The following SLC30A8 variants were observed in gnomAD, a reference collection of about 807,000 sequenced individuals.
SLC30A8 encodes the protein solute carrier family 30 member 8, also known as proton-coupled zinc antiporter SLC30A8.
A neutral mutation model predicts 36.9 loss-of-function variants in SLC30A8; 27 were observed. That is an observed-to-expected ratio of 0.73 (90% CI 0.54 to 1.01). The LOEUF (loss-of-function observed/expected upper bound fraction) is 1.01, where lower values mean the gene tolerates loss of function less well. Among genes scored for constraint, SLC30A8 ranks in the 50% least tolerant of loss-of-function variants. The pLI is 0.00. For missense variants in SLC30A8, 439 were observed against 452.0 expected, an observed-to-expected ratio of 0.97 and a Z score of 0.26; for synonymous variants, 164 against 172.4, an observed-to-expected ratio of 0.95 and a Z score of 0.38.
chr8:117,095,719 G>A (rs1443598697), intron 2 of SLC30A8, among the ~76,000 whole-genome samples: 1 of 152,144 alleles, frequency 6.6e-6, no homozygotes, highest in Admixed American at 6.5e-5. Context: ...TATTTATTGA[G>A]GGCTTCCACT....
At chr8:117,157,041 C>T (rs1822526064) in intron 3 of SLC30A8, among the ~76,000 whole-genome samples, 1 of 152,148 alleles carries the variant, frequency 6.6e-6, no homozygotes, top group Admixed American at 6.5e-5. Context: ...ATGCACTTTT[C>T]TCAGTGGGCA....
chr8:117,004,621 T>C (rs1268471920), intron 1 of SLC30A8, among the ~76,000 whole-genome samples: 3 of 152,166 alleles, frequency 2.0e-5, no homozygotes, highest in Admixed American at 6.5e-5. Flanking sequence ...TCATGGTAAA[T>C]AGTTAATCAT....
At chr8:116,976,798 T>TATC (rs1563730994) in intron 1 of SLC30A8, among the ~76,000 whole-genome samples, 77 of 125,516 alleles carry the variant, frequency 6.1e-4, no homozygotes, top group African/African-American at 2.4e-3. Flanking sequence ...CCCCTTTTAT[T>TATC]TTTCTTTCTT....
intron 1 of SLC30A8, among the ~76,000 whole-genome samples, chr8:117,012,684 ATGTG>A (rs141407793): frequency 7.5e-6 from 1 of 133,342 alleles, no homozygotes; most frequent in Non-Finnish European, 1.6e-5. Context: ...GTGTGTGTGC[ATGTG>A]TGTGTGTGTG....
intron 2 of SLC30A8, among the ~76,000 whole-genome samples, chr8:117,056,455 C>T (rs942134186): frequency 5.3e-5 from 8 of 152,152 alleles, no homozygotes; most frequent in African/African-American, 1.9e-4. Context: ...TCTGTGTTTA[C>T]CCTCCCTAAG....
chr8:117,154,075 C>A (rs373383373), intron 3 of SLC30A8, among the ~76,000 whole-genome samples: 2 of 151,994 alleles, frequency 1.3e-5, no homozygotes, highest in Admixed American at 6.6e-5. Context: ...TGACTGTATG[C>A]TTTTTTAAAT....
At chr8:117,012,743 A>ACACG (rs956105572) in intron 1 of SLC30A8, among the ~76,000 whole-genome samples, 5 of 150,250 alleles carry the variant, frequency 3.3e-5, no homozygotes, top group Non-Finnish European at 7.4e-5. Context: ...ACACACACAC[A>ACACG]CACACACACA....
intron 1 of SLC30A8, among the ~76,000 whole-genome samples, chr8:116,961,306 G>A (rs1034894283): frequency 3.3e-5 from 5 of 152,128 alleles, no homozygotes; most frequent in Non-Finnish European, 7.3e-5. Flanking sequence ...GCAGGTGCCT[G>A]TGGTCCCAGC....
chr8:117,075,595 G>T (rs2130804754), intron 2 of SLC30A8, among the ~76,000 whole-genome samples: 1 of 152,318 alleles, frequency 6.6e-6, no homozygotes, highest in East Asian at 1.9e-4. Flanking sequence ...TCATATGAAA[G>T]TTTGGGTGAG....
intron 3 of SLC30A8, among the ~76,000 whole-genome samples, chr8:117,154,133 A>C (rs1355896638): frequency 6.6e-6 from 1 of 152,088 alleles, no homozygotes; most frequent in Non-Finnish European, 1.5e-5. Flanking sequence ...CAGGATGTGT[A>C]GGTTTGTTAC....
At chr8:117,164,489 G>A (rs955612932) in intron 6 of SLC30A8, among the ~76,000 whole-genome samples, 37 of 152,236 alleles carry the variant, frequency 2.4e-4, no homozygotes, top group African/African-American at 8.4e-4. Context: ...TGGGAGGATC[G>A]CTTGAGGCTG....
chr8:117,122,786 T>G (rs911228085), intron 2 of SLC30A8, among the ~76,000 whole-genome samples: 1 of 152,012 alleles, frequency 6.6e-6, no homozygotes, highest in African/African-American at 2.4e-5. Flanking sequence ...TTGTCGTGTC[T>G]TTGGTGTCCT....
At chr8:117,110,118 T>C (rs1820160990) in intron 2 of SLC30A8, among the ~76,000 whole-genome samples, 1 of 152,132 alleles carries the variant, frequency 6.6e-6, no homozygotes, top group African/African-American at 2.4e-5. Context: ...AAAAGCATGT[T>C]GATTCAAAAA....
chr8:117,073,578 A>G (rs1433274425), intron 2 of SLC30A8, among the ~76,000 whole-genome samples: 1 of 152,160 alleles, frequency 6.6e-6, no homozygotes, highest in African/African-American at 2.4e-5. Flanking sequence ...TTTCTACTCT[A>G]CAAATAGTTC....
chr8:117,036,690 C>T (rs555475427), intron 1 of SLC30A8, among the ~76,000 whole-genome samples: 149 of 152,228 alleles, frequency 9.8e-4, no homozygotes, highest in African/African-American at 3.3e-3. Context: ...CCCACTAACA[C>T]GAGAATAGCA....
In SLC30A8 at chr8:117,172,720, C is replaced by G. The variant is rs374495378; in HGVS notation, c.*39C>G. Reference sequence around the variant, plus strand: ...TCAGTTTCCCAAATTTGACAGGCCACCTTCAAACATGCTGCTATGCAGTTT... The same window carrying G: ...TCAGTTTCCCAAATTTGACAGGCCAGCTTCAAACATGCTGCTATGCAGTTT... On this transcript the variant is annotated 3_prime_UTR_variant, in exon 8 of 8. Coordinates refer to ENST00000456015, the MANE Select transcript of SLC30A8 (RefSeq NM_173851.3). 1.9e-6 allele frequency: 3 copies of G among 1,610,196 alleles called. No homozygotes were observed. In the African/African-American group the frequency reaches 4.0e-5, roughly 22 times the overall value.
At chr8:116,983,358 T>C (rs563650642) in intron 1 of SLC30A8, among the ~76,000 whole-genome samples, 1 of 152,292 alleles carries the variant, frequency 6.6e-6, no homozygotes, top group Non-Finnish European at 1.5e-5. Context: ...GAATTTCTAC[T>C]TTTTGAAATT....
At chr8:116,953,999 C>T (rs567448595) in intron 1 of SLC30A8, among the ~76,000 whole-genome samples, 4 of 151,840 alleles carry the variant, frequency 2.6e-5, no homozygotes, top group East Asian at 3.9e-4. Flanking sequence ...ATAGGTCAGA[C>T]GATAAGAGAC....
At chr8:116,965,320 G>A (rs1185770750) in intron 1 of SLC30A8, among the ~76,000 whole-genome samples, 1 of 152,196 alleles carries the variant, frequency 6.6e-6, no homozygotes, top group African/African-American at 2.4e-5. Flanking sequence ...AATACAAACT[G>A]AAGGATAGTT....
Sources: gnomAD v4.1 joint callset for allele counts (sites outside exome capture counted in the v4.1 genomes callset) on GRCh38, gnomAD v4.1.1 for gene constraint, MANE v1.5 for transcripts, NCBI Gene and HGNC (gene_info 2026-07-23, HGNC 2026-07-21) for gene names.